The following TTC7B variants were observed in gnomAD, a reference collection of about 807,000 sequenced individuals.
TTC7B encodes tetratricopeptide repeat domain 7B.
TTC7B carries 28 observed loss-of-function variants against 106.8 expected under a neutral mutation model. The observed-to-expected ratio is 0.26, with a 90% confidence interval of 0.19 to 0.36. The LOEUF (loss-of-function observed/expected upper bound fraction) is 0.36, where lower values mean the gene tolerates loss of function less well. Ranked by LOEUF, TTC7B falls within the 10% of genes least tolerant of loss-of-function variation. TTC7B has a pLI of 1.00. For missense variants in TTC7B, 862 were observed against 1,076.4 expected (o/e 0.80, Z 2.79); for synonymous variants, 405 against 430.6 (o/e 0.94, Z 0.74).
intron 5 of TTC7B, chr14:90,699,006 C>T: frequency 2.9e-6 from 1 of 339,450 alleles, no homozygotes; most frequent in South Asian, 2.2e-5. Context: ...TCCTGCTGAA[C>T]CTCCTTCCAG....
At chr14:90,722,349 C>A (rs191360677) in intron 5 of TTC7B, among the ~76,000 whole-genome samples, 105 of 152,276 alleles carry the variant, frequency 6.9e-4, no homozygotes, top group African/African-American at 2.1e-3. Flanking sequence ...GTAAAATGAA[C>A]CTGATCCTAC....
At chr14:90,727,952 C>T (rs1370452291) in intron 5 of TTC7B, among the ~76,000 whole-genome samples, 1 of 152,208 alleles carries the variant, frequency 6.6e-6, no homozygotes, top group South Asian at 2.1e-4. Context: ...TTGCTGTAGG[C>T]ATCCAGTGAC....
intron 13 of TTC7B, among the ~76,000 whole-genome samples, chr14:90,650,977 T>G (rs1408624351): frequency 6.6e-6 from 1 of 152,232 alleles, no homozygotes; most frequent in Non-Finnish European, 1.5e-5. Context: ...AAGAGTTAAC[T>G]TTCTTGTGCT....
At chr14:90,666,323 G>A (rs549438934) in intron 9 of TTC7B, among the ~76,000 whole-genome samples, 2 of 152,244 alleles carry the variant, frequency 1.3e-5, no homozygotes, top group African/African-American at 2.4e-5. Context: ...CACCACGCCT[G>A]GCTAATTTTG....
chr14:90,595,020 G>A (rs1224588277), intron 17 of TTC7B, among the ~76,000 whole-genome samples: 1 of 152,162 alleles, frequency 6.6e-6, no homozygotes, highest in Non-Finnish European at 1.5e-5. Flanking sequence ...TGCACAATAC[G>A]GAACTCAGAG....
intron 1 of TTC7B, 125 bp from the exon 2 acceptor site, chr14:90,786,453 A>G (rs1485952339): frequency 1.1e-5 from 12 of 1,085,118 alleles, no homozygotes; most frequent in Non-Finnish European, 1.5e-5. Flanking sequence ...TCCTTCTGGA[A>G]CTTCATAGCC....
chr14:90,578,360 T>C lies in TTC7B; in HGVS notation c.2108-52A>G, dbSNP rs756524603. The C allele has an allele frequency of 4.5e-6, 7 of 1,566,994 alleles. No homozygotes were observed. The highest frequency in any genetic ancestry group is 1.2e-5 in the South Asian group (1 of 86,564). Reference sequence around the variant, plus strand: ...CTTTCCTGGTGCCCCTCTGAGGCCCTGCGAGCAGCCACCACTCTGATGTTC... The same window carrying C: ...CTTTCCTGGTGCCCCTCTGAGGCCCCGCGAGCAGCCACCACTCTGATGTTC... On this transcript the variant is annotated intron_variant, in intron 18 of 19. Transcript: ENST00000328459. The surrounding 1 kb of genome is among the most constrained non-coding windows in gnomAD (Gnocchi z 4.7).
intron 5 of TTC7B, among the ~76,000 whole-genome samples, chr14:90,719,595 C>T (rs942046037): frequency 6.6e-6 from 1 of 152,206 alleles, no homozygotes; most frequent in Non-Finnish European, 1.5e-5. Context: ...TCCCTAGCAC[C>T]TGAGCTGTCA....
At chr14:90,559,919 C>T (rs1279775972) in intron 19 of TTC7B, among the ~76,000 whole-genome samples, 1 of 152,198 alleles carries the variant, frequency 6.6e-6, no homozygotes, top group Non-Finnish European at 1.5e-5. Flanking sequence ...ACAACGCGCG[C>T]TCCCCCACCG....
intron 19 of TTC7B, among the ~76,000 whole-genome samples, chr14:90,548,537 G>C (rs976485902): frequency 6.6e-6 from 1 of 152,244 alleles, no homozygotes; most frequent in Non-Finnish European, 1.5e-5. Context: ...ACCATCTTGT[G>C]TGACAGGTGC....
At chr14:90,572,889 C>G (rs757560147) in intron 19 of TTC7B, among the ~76,000 whole-genome samples, 1 of 152,184 alleles carries the variant, frequency 6.6e-6, no homozygotes, top group Non-Finnish European at 1.5e-5. Flanking sequence ...CCTAAGACCC[C>G]TCCAGATGAG....
chr14:90,565,900 C>T (rs1890775003), intron 19 of TTC7B, among the ~76,000 whole-genome samples: 1 of 152,138 alleles, frequency 6.6e-6, no homozygotes, highest in Non-Finnish European at 1.5e-5. Flanking sequence ...ATTAAGTTTG[C>T]TGTCTTATAT....
At chr14:90,708,774 A>G (rs1888315620) in intron 5 of TTC7B, among the ~76,000 whole-genome samples, 1 of 152,216 alleles carries the variant, frequency 6.6e-6, no homozygotes, top group Non-Finnish European at 1.5e-5. Context: ...CCTCTGATGG[A>G]TCTGGGAAAA....
At chr14:90,606,266 C>T (rs1892635487) in intron 17 of TTC7B, among the ~76,000 whole-genome samples, 1 of 152,076 alleles carries the variant, frequency 6.6e-6, no homozygotes, top group Non-Finnish European at 1.5e-5. Context: ...CTGGGGTGGC[C>T]TATGGTTGGG....
chr14:90,574,217 G>A (rs979035238), intron 19 of TTC7B, among the ~76,000 whole-genome samples: 2 of 152,184 alleles, frequency 1.3e-5, no homozygotes, highest in African/African-American at 2.4e-5. Context: ...GGGAGCTAAA[G>A]GCTTTTTAAC....
At chr14:90,778,224 T>C (rs1279860843) in intron 3 of TTC7B, among the ~76,000 whole-genome samples, 1 of 152,004 alleles carries the variant, frequency 6.6e-6, no homozygotes, top group Non-Finnish European at 1.5e-5. Flanking sequence ...AGTCAGAAAC[T>C]AGCCAGAGCC....
intron 19 of TTC7B, among the ~76,000 whole-genome samples, chr14:90,549,384 G>A (rs555376475): frequency 6.6e-6 from 1 of 152,218 alleles, no homozygotes; most frequent in East Asian, 1.9e-4. Flanking sequence ...CAGCCTCCTC[G>A]TGGTGGGGTG....
chr14:90,808,510 G>A lies in TTC7B; in HGVS notation c.121+7665C>T, dbSNP rs1317403203. On this transcript the variant is annotated intron_variant, in intron 1 of 19. Transcript: ENST00000328459. The surrounding 1 kb of genome is among the most constrained non-coding windows in gnomAD (Gnocchi z 4.2). The stretch of plus-strand genomic sequence containing the variant: ...ACCAGATCTGCTCTACATGGTTCTG[G>A]TGCTGCCACCACTAGCCACACTTGA... 6.6e-6 allele frequency among the ~76,000 whole-genome samples: 1 copy of A among 152,150 alleles called. No individual in the cohort carries two copies. Among genetic ancestry groups the A allele is most frequent in the Non-Finnish European group, 1.5e-5 (1 of 68,000 alleles).
At position 90,770,462 on chromosome 14, in the gene TTC7B, G is replaced by A. The variant is rs575251721; in HGVS notation, c.445+10276C>T. Among the ~76,000 whole-genome samples the A allele has an allele frequency of 3.9e-5, 6 of 152,226 alleles. No individual in the cohort carries two copies. The South Asian group carries it at 1.2e-3, about 32-fold the overall frequency. The stretch of plus-strand genomic sequence containing the variant: ...ACCTGAGGTCGGGAGTTCAAGACCA[G>A]CCTGACCAACATGGAGAAACCCCGT... On this transcript the variant is annotated intron_variant, in intron 3 of 19. Coordinates refer to ENST00000328459, the MANE Select transcript of TTC7B (RefSeq NM_001010854.2).
Sources: gnomAD v4.1 joint callset for allele counts (sites outside exome capture counted in the v4.1 genomes callset) on GRCh38, gnomAD v4.1.1 for gene constraint, Gnocchi (gnomAD v3.1) non-coding constraint, MANE v1.5 for transcripts, NCBI Gene and HGNC (gene_info 2026-07-23, HGNC 2026-07-21) for gene names.